The following CADM2 variants were observed in gnomAD, a reference collection of about 807,000 sequenced individuals.
The protein encoded by CADM2 is immunoglobulin superfamily member 4D.
CADM2 carries 12 observed loss-of-function variants against 49.8 expected under a neutral mutation model. The observed-to-expected ratio is 0.24, with a 90% CI of 0.15 to 0.39. CADM2 has a LOEUF of 0.39. CADM2 is among the 10% of genes least tolerant of loss of function. The pLI, the probability that CADM2 is intolerant of heterozygous loss-of-function variation, is 1.00. For missense variants in CADM2, 378 were observed against 492.3 expected, an observed-to-expected ratio of 0.77 and a Z score of 2.20; for synonymous variants, 214 against 175.4, an observed-to-expected ratio of 1.22 and a Z score of -1.74.
intron 8 of CADM2, among the ~76,000 whole-genome samples, chr3:86,008,792 A>T (rs1731106246): frequency 6.6e-6 from 1 of 152,018 alleles, no homozygotes. Flanking sequence ...CTCTCAAATT[A>T]TTGAGAAATA....
chr3:85,328,270 T>G (rs2044811461), intron 1 of CADM2, among the ~76,000 whole-genome samples: 1 of 152,324 alleles, frequency 6.6e-6, no homozygotes, highest in South Asian at 2.1e-4. Flanking sequence ...CCTTAAGAGC[T>G]TTTAAACAAT....
At chr3:85,371,969 C>G (rs944624192) in intron 1 of CADM2, among the ~76,000 whole-genome samples, 1 of 151,490 alleles carries the variant, frequency 6.6e-6, no homozygotes, top group East Asian at 1.9e-4. Flanking sequence ...ATTTGTTCAA[C>G]TAAGTTTTTT....
chr3:85,933,514 G>C (rs1720849906), intron 6 of CADM2, among the ~76,000 whole-genome samples: 1 of 152,048 alleles, frequency 6.6e-6, no homozygotes, highest in African/African-American at 2.4e-5. Flanking sequence ...TCTTTGTTAG[G>C]ATATTGGACA....
chr3:85,260,220 CTT>C (rs201318963), intron 1 of CADM2, among the ~76,000 whole-genome samples: 341 of 151,952 alleles, frequency 2.2e-3, no homozygotes, highest in African/African-American at 7.7e-3. Flanking sequence ...TTTAGTTTGA[CTT>C]ATTAATTTGT....
intron 1 of CADM2, among the ~76,000 whole-genome samples, chr3:85,012,786 G>C (rs1422574147): frequency 6.6e-6 from 1 of 150,928 alleles, no homozygotes; most frequent in Non-Finnish European, 1.5e-5. Flanking sequence ...TAAATCATTG[G>C]ATATTGACCT....
At chr3:85,512,863 A>T (rs945719972) in intron 1 of CADM2, among the ~76,000 whole-genome samples, 7 of 152,162 alleles carry the variant, frequency 4.6e-5, no homozygotes, top group African/African-American at 1.7e-4. Flanking sequence ...GTAAAAAATG[A>T]ATCAATCATT....
At chr3:85,802,253 T>C in intron 3 of CADM2, 57 bp downstream of exon 3, 1 of 1,443,174 alleles carries the variant, frequency 6.9e-7, no homozygotes, top group Non-Finnish European at 9.4e-7. Flanking sequence ...CTAATTACAA[T>C]AAATTTATTT....
At chr3:85,341,469 G>T (rs1307273986) in intron 1 of CADM2, among the ~76,000 whole-genome samples, 1 of 151,816 alleles carries the variant, frequency 6.6e-6, no homozygotes, top group African/African-American at 2.4e-5. Flanking sequence ...CTGGCAAAGA[G>T]CTTGGAAAAT....
At chr3:84,968,851 A>G (rs1345902017) in intron 1 of CADM2, among the ~76,000 whole-genome samples, 1 of 152,076 alleles carries the variant, frequency 6.6e-6, no homozygotes, top group Non-Finnish European at 1.5e-5. Flanking sequence ...TAGATATTTA[A>G]GCAGTATTAA....
chr3:86,063,940 C>A (rs1216973763), intron 8 of CADM2, among the ~76,000 whole-genome samples: 1 of 152,048 alleles, frequency 6.6e-6, no homozygotes, highest in African/African-American at 2.4e-5. Context: ...GATTTTATTG[C>A]CCAGGTCTTC....
intron 2 of CADM2, among the ~76,000 whole-genome samples, chr3:85,733,406 G>C (rs1023065823): frequency 6.6e-6 from 1 of 152,144 alleles, no homozygotes; most frequent in Admixed American, 6.5e-5. Flanking sequence ...ATTTCTCACT[G>C]TATAGGGATA....
intron 1 of CADM2, among the ~76,000 whole-genome samples, chr3:85,543,348 A>C (rs2326317): frequency 6.7e-6 from 1 of 149,780 alleles, no homozygotes; most frequent in Non-Finnish European, 1.5e-5. Context: ...TCCGCCTCCC[A>C]GGCTCAAGCG....
rs1553722697 is a variant in CADM2, at chr3:85,431,860, C to CATATATATATAT, written c.62-294661_62-294650dup. ...AACACCATGGTCTTATGCTTAATTG[C>CATATATATATAT]ATATATATATATGCCATGCTCTTTC... On this transcript the variant is annotated intron_variant, in intron 1 of 9. Coordinates refer to ENST00000383699, the MANE Select transcript of CADM2 (RefSeq NM_001167675.2). Among the ~76,000 whole-genome samples the CATATATATATAT allele has an allele frequency of 1.2e-3, 61 of 51,862 alleles. 18 individuals are homozygous for CATATATATATAT. Among genetic ancestry groups the CATATATATATAT allele is most frequent in the South Asian group, 3.5e-3 (4 of 1,140 alleles). The allele number at this position is 51,862 out of a possible 152,430, so 34.0% of individuals were successfully genotyped here.
intron 8 of CADM2, among the ~76,000 whole-genome samples, chr3:86,050,472 C>T (rs1166082700): frequency 5.3e-5 from 8 of 152,164 alleles, no homozygotes; most frequent in Admixed American, 3.3e-4. Flanking sequence ...TCCCAGAGCT[C>T]CACTAGGCAG....
intron 1 of CADM2, among the ~76,000 whole-genome samples, chr3:85,310,478 G>T (rs958436072): frequency 6.6e-6 from 1 of 152,128 alleles, no homozygotes; most frequent in Non-Finnish European, 1.5e-5. Flanking sequence ...TCATACTCAA[G>T]ATCTTTTCCC....
intron 8 of CADM2, among the ~76,000 whole-genome samples, chr3:86,037,996 C>T (rs999387426): frequency 6.6e-6 from 1 of 151,988 alleles, no homozygotes; most frequent in Admixed American, 6.6e-5. Flanking sequence ...TGCCCCCAAC[C>T]CCCTGACAAG....
chr3:85,668,956 C>G (rs531589433), intron 1 of CADM2, among the ~76,000 whole-genome samples: 1 of 152,232 alleles, frequency 6.6e-6, no homozygotes, highest in South Asian at 2.1e-4. Context: ...CCTAACTCAT[C>G]TTTTCTCCCA....
At chr3:85,758,474 G>A (rs1454442303) in intron 2 of CADM2, among the ~76,000 whole-genome samples, 1 of 152,118 alleles carries the variant, frequency 6.6e-6, no homozygotes, top group East Asian at 1.9e-4. Context: ...ACCTTGTGGA[G>A]AAATACTTTG....
chr3:85,875,612 T>C (rs945768823), intron 3 of CADM2, among the ~76,000 whole-genome samples: 1 of 152,256 alleles, frequency 6.6e-6, no homozygotes, highest in African/African-American at 2.4e-5. Flanking sequence ...CTGATTCTGA[T>C]CCTTGGGGGA....
Sources: allele counts gnomAD v4.1 joint callset (sites outside exome capture counted in the v4.1 genomes callset), GRCh38; gene constraint gnomAD v4.1.1; transcripts MANE v1.5; gene names NCBI Gene and HGNC (gene_info 2026-07-23, HGNC 2026-07-21).